The following SHISA6 variants were observed in gnomAD, a reference collection of about 807,000 sequenced individuals.
The protein encoded by SHISA6 is protein shisa-6.
Under a neutral mutation model 47.9 loss-of-function variants are expected in SHISA6, and 22 were observed. The ratio of observed to expected loss-of-function variants is 0.46; its 90% CI spans 0.33 to 0.66. SHISA6 has a LOEUF of 0.66. Among genes scored for constraint, SHISA6 ranks in the 30% least tolerant of loss-of-function variants. The probability of loss-of-function intolerance (pLI) is 0.02; values close to 1 mark genes in which losing one functional copy is unlikely to be tolerated. For synonymous variants in SHISA6, 388 were observed against 337.8 expected, an observed-to-expected ratio of 1.15 and a Z score of -1.63; for missense variants, 680 against 764.6, an observed-to-expected ratio of 0.89 and a Z score of 1.30.
At chr17:11,347,328 G>A (rs1328393713) in intron 2 of SHISA6, among the ~76,000 whole-genome samples, 3 of 152,178 alleles carry the variant, frequency 2.0e-5, no homozygotes, top group Admixed American at 6.5e-5. Context: ...GAAGAACCAG[G>A]GGAGTAGAAA....
At chr17:11,253,737 T>C (rs944887191) in intron 1 of SHISA6, among the ~76,000 whole-genome samples, 4 of 152,208 alleles carry the variant, frequency 2.6e-5, no homozygotes, top group African/African-American at 9.7e-5. Flanking sequence ...GTTTCTTTTC[T>C]TTTTCTATTT....
At chr17:11,508,201 T>C (rs530245696) in intron 3 of SHISA6, among the ~76,000 whole-genome samples, 8 of 152,346 alleles carry the variant, frequency 5.3e-5, no homozygotes, top group African/African-American at 1.9e-4. Flanking sequence ...GTCTTAGTCA[T>C]TCGTGCTGCT....
intron 2 of SHISA6, among the ~76,000 whole-genome samples, chr17:11,323,013 G>T (rs1395583548): frequency 6.6e-6 from 1 of 152,094 alleles, no homozygotes; most frequent in Non-Finnish European, 1.5e-5. Flanking sequence ...CTCTGACATT[G>T]GTGTTCTTGA....
chr17:11,558,456 C>A lies in SHISA6; in HGVS notation c.*152C>A. Reference sequence around the variant, plus strand: ...GCCACCTTTGCCCAAAAAGCCATACCCCCGGGGACACAGCCCCGATGGCCT... The same window carrying A: ...GCCACCTTTGCCCAAAAAGCCATACACCCGGGGACACAGCCCCGATGGCCT... On this transcript the variant is annotated 3_prime_UTR_variant, in exon 6 of 6. Coordinates refer to ENST00000441885, the MANE Select transcript of SHISA6 (RefSeq NM_207386.4). 1.2e-6 allele frequency: 1 copy of A among 836,392 alleles called. No homozygotes were observed. The highest frequency in any genetic ancestry group is 1.8e-6 in the Non-Finnish European group (1 of 549,588). 51.8% of individuals were successfully genotyped at this position (836,392 alleles called of 1,614,324 possible). A position where few individuals can be genotyped will look rare whatever the true frequency, so the allele number is the denominator to read the frequency against.
intron 2 of SHISA6, among the ~76,000 whole-genome samples, chr17:11,326,045 C>T (rs370777088): frequency 1.6e-4 from 25 of 152,242 alleles, no homozygotes; most frequent in African/African-American, 5.1e-4. Context: ...CCAAGGCCGG[C>T]GGATCACGAG....
chr17:11,491,458 G>C (rs1354617470), intron 3 of SHISA6, among the ~76,000 whole-genome samples: 1 of 152,082 alleles, frequency 6.6e-6, no homozygotes, highest in East Asian at 1.9e-4. Context: ...GTGTCACCAT[G>C]CCAGCTAACT....
intron 3 of SHISA6, among the ~76,000 whole-genome samples, chr17:11,549,345 A>C (rs530811368): frequency 6.6e-6 from 1 of 152,382 alleles, no homozygotes; most frequent in East Asian, 1.9e-4. Flanking sequence ...CTGTTAATGA[A>C]ACATTTTAAG....
intron 2 of SHISA6, among the ~76,000 whole-genome samples, chr17:11,265,388 C>A (rs966665944): frequency 6.6e-6 from 1 of 152,256 alleles, no homozygotes; most frequent in African/African-American, 2.4e-5. Context: ...GCCCCATCCC[C>A]AGAGACTGAC....
rs1181145499 is a variant in SHISA6 at position 11,248,732 on chromosome 17, T to C, written c.638+6672T>C. 3.3e-5 allele frequency among the ~76,000 whole-genome samples: 5 copies of C among 152,312 alleles called. No homozygotes were observed. The East Asian group carries it at 7.7e-4, about 24-fold the overall frequency. ...CAATAACCTAATCTAAGCATAATCC[T>C]TTTATAAGGTCTGAGTAATGCGGAC... On this transcript the variant is annotated intron_variant, in intron 1 of 5. Transcript: ENST00000441885.
At chr17:11,542,182 G>A (rs1057122526) in intron 3 of SHISA6, among the ~76,000 whole-genome samples, 6 of 152,080 alleles carry the variant, frequency 3.9e-5, no homozygotes, top group African/African-American at 1.2e-4. Context: ...CTGCTACTGT[G>A]GTCAAAACAG....
intron 3 of SHISA6, among the ~76,000 whole-genome samples, chr17:11,432,876 T>C (rs947175188): frequency 1.3e-5 from 2 of 151,900 alleles, no homozygotes; most frequent in Non-Finnish European, 2.9e-5. Context: ...AGAAAGTAGA[T>C]TATTGGTTGC....
chr17:11,378,588 C>G (rs79335662), intron 2 of SHISA6, among the ~76,000 whole-genome samples: 4 of 152,082 alleles, frequency 2.6e-5, no homozygotes, highest in Non-Finnish European at 5.9e-5. Flanking sequence ...GTATTTCAAG[C>G]GTACTGCAAA....
intron 2 of SHISA6, among the ~76,000 whole-genome samples, chr17:11,325,877 C>T (rs1422108655): frequency 1.3e-5 from 2 of 152,018 alleles, no homozygotes; most frequent in African/African-American, 4.8e-5. Context: ...GTTAACAATG[C>T]CAAAAAACAA....
chr17:11,306,064 G>GA (rs1418528815), intron 2 of SHISA6, among the ~76,000 whole-genome samples: 2 of 152,094 alleles, frequency 1.3e-5, no homozygotes, highest in African/African-American at 2.4e-5. Flanking sequence ...ATGAAGACCT[G>GA]AAAAAATAGC....
chr17:11,353,336 A>G (rs1911957823), intron 2 of SHISA6, among the ~76,000 whole-genome samples: 1 of 151,970 alleles, frequency 6.6e-6, no homozygotes, highest in Admixed American at 6.6e-5. Context: ...GCGCACATGT[A>G]GTCCCAGCTA....
intron 3 of SHISA6, among the ~76,000 whole-genome samples, chr17:11,526,117 C>CCCT (rs2071679595): frequency 6.6e-6 from 1 of 151,980 alleles, no homozygotes; most frequent in African/African-American, 2.4e-5. Flanking sequence ...GGGACCCCCC[C>CCCT]CCGCTCTCTG....
chr17:11,245,878 T>C (rs778140321), intron 1 of SHISA6, among the ~76,000 whole-genome samples: 1 of 152,164 alleles, frequency 6.6e-6, no homozygotes, highest in Non-Finnish European at 1.5e-5. Context: ...GTCAAGGGAA[T>C]ACTTTGTTCT....
chr17:11,440,209 G>A (rs1489949142), intron 3 of SHISA6, among the ~76,000 whole-genome samples: 1 of 152,184 alleles, frequency 6.6e-6, no homozygotes, highest in East Asian at 1.9e-4. Context: ...TGTGGGAAAT[G>A]TTAAAAAGTG....
intron 2 of SHISA6, among the ~76,000 whole-genome samples, chr17:11,371,204 C>T (rs1011226390): frequency 2.6e-5 from 4 of 152,212 alleles, no homozygotes; most frequent in Non-Finnish European, 5.9e-5. Context: ...CAGAAGCTGC[C>T]TTGTTAGTTC....
Sources: allele counts gnomAD v4.1 joint callset (sites outside exome capture counted in the v4.1 genomes callset), GRCh38; gene constraint gnomAD v4.1.1; transcripts MANE v1.5; gene names NCBI Gene and HGNC (gene_info 2026-07-23, HGNC 2026-07-21).